The following F10 variants were observed in gnomAD, a reference collection of about 807,000 sequenced individuals.
F10 encodes the protein coagulation factor X, also known as Stuart-Prower factor.
F10 carries 29 observed loss-of-function variants against 37.1 expected under a neutral mutation model. The ratio of observed to expected loss-of-function variants is 0.78; its 90% CI spans 0.58 to 1.07. F10 has a LOEUF of 1.07. Among genes scored for constraint, F10 ranks in the 50% least tolerant of loss-of-function variants. F10 has a pLI of 0.00. For synonymous variants in F10, 262 were observed against 268.6 expected (o/e 0.98, Z 0.24); for missense variants, 539 against 667.9 (o/e 0.81, Z 2.13).
chr13:113,149,151 C>T lies in F10; in HGVS notation c.1101C>T (p.Thr367=), dbSNP rs955792504. The change falls in exon 8 of 8, where the codon ACC becomes ACT. Residue 367 remains threonine, a synonymous_variant. Coordinates refer to ENST00000375559, the MANE Select transcript of F10 (RefSeq NM_000504.4). The surrounding 1 kb of genome is among the most constrained non-coding windows in gnomAD (Gnocchi z 7.5). ...KTGIVSGFGR[T]HEKGRQSTRL... ...GGATTGTGAGCGGCTTCGGGCGCAC[C>T]CACGAGAAGGGCCGGCAGTCCACCA... 3.7e-6 allele frequency: 6 copies of T among 1,612,980 alleles called. No individual in the cohort carries two copies. The highest frequency in any genetic ancestry group is 4.2e-6 in the Non-Finnish European group (5 of 1,180,016).
intron 2 of F10, chr13:113,130,330 C>CCTCTCCCCCGAAGAGGCTACCT (rs1566916226): frequency 1.3e-5 from 2 of 154,116 alleles, no homozygotes; most frequent in African/African-American, 2.4e-5. Flanking sequence ...AGACGCTACC[C>CCTCTCCCCCGAAGAGGCTACCT]TCCTCTCCCC....
Position 113,141,412 on chromosome 13 carries a change from G to GT in F10, c.502+363dup, listed in dbSNP as rs769632107. ...TGCATTGGGACTGTGGGGGGATCCAGTGCAAGGGCTCAAAGCACCAGGGCA... is the reference window on the plus strand; with the variant it reads ...TGCATTGGGACTGTGGGGGGATCCAGTTGCAAGGGCTCAAAGCACCAGGGCA... On this transcript the variant is annotated intron_variant, in intron 5 of 7. Transcript: ENST00000375559. The surrounding 1 kb of genome is among the most constrained non-coding windows in gnomAD (Gnocchi z 5.4). Among the ~76,000 whole-genome samples, 6 of 152,236 alleles carry GT rather than the reference G, an allele frequency of 3.9e-5. No homozygotes were observed. The highest frequency in any genetic ancestry group is 8.8e-5 in the Non-Finnish European group (6 of 68,044).
intron 2 of F10, among the ~76,000 whole-genome samples, chr13:113,133,653 G>A (rs2036453821): frequency 6.6e-6 from 1 of 152,140 alleles, no homozygotes; most frequent in African/African-American, 2.4e-5. Context: ...ACATAGAAGA[G>A]GGAACACTTC....
chr13:113,123,887 C>A (rs2036345124), intron 1 of F10, among the ~76,000 whole-genome samples: 1 of 152,154 alleles, frequency 6.6e-6, no homozygotes, highest in Non-Finnish European at 1.5e-5. Flanking sequence ...AACGGGACTC[C>A]CGTCTTCATG....
At chr13:113,125,037 G>A (rs1298419079) in intron 1 of F10, among the ~76,000 whole-genome samples, 1 of 152,178 alleles carries the variant, frequency 6.6e-6, no homozygotes, top group Non-Finnish European at 1.5e-5. Context: ...TGGATTTAGG[G>A]CTCACTCTAC....
intron 1 of F10, among the ~76,000 whole-genome samples, chr13:113,127,366 T>C (rs1228313201): frequency 6.6e-6 from 1 of 152,150 alleles, no homozygotes; most frequent in African/African-American, 2.4e-5. Context: ...AAGTCAGTGC[T>C]AGAGAGATCA....
intron 6 of F10, among the ~76,000 whole-genome samples, chr13:113,147,049 G>T (rs957529168): frequency 1.3e-5 from 2 of 152,350 alleles, no homozygotes; most frequent in East Asian, 3.9e-4. Flanking sequence ...CCTGGTCCCA[G>T]GTAGAAATCC....
intron 2 of F10, among the ~76,000 whole-genome samples, chr13:113,137,730 G>A (rs1555395556): frequency 6.6e-6 from 1 of 152,128 alleles, no homozygotes; most frequent in African/African-American, 2.4e-5. Flanking sequence ...GGCTGCGGAC[G>A]CGTCGCTCCT....
At chr13:113,128,264 A>T (rs540478596) in intron 1 of F10, 1 of 152,334 alleles carries the variant, frequency 6.6e-6, no homozygotes, top group East Asian at 1.9e-4. Context: ...GCTTGATTTT[A>T]TGTATTTTAG....
chr13:113,140,673 C>T (rs150725847), intron 4 of F10: 6 of 680,532 alleles, frequency 8.8e-6, no homozygotes, highest in Middle Eastern at 2.4e-4. Context: ...CCGGCCATCC[C>T]GGAGGTGTGA....
intron 6 of F10, among the ~76,000 whole-genome samples, chr13:113,145,035 C>A (rs184586376): frequency 3.3e-5 from 5 of 152,152 alleles, no homozygotes; most frequent in Admixed American, 6.5e-5. Flanking sequence ...CCTGCCACCA[C>A]GCCCAGCTAA....
rs1043663264 is a variant in F10, at chr13:113,139,578, G to A, written c.370+108G>A. 2.4e-5 allele frequency: 21 copies of A among 859,418 alleles called. No individual in the cohort carries two copies. The highest frequency in any genetic ancestry group is 2.4e-4 in the South Asian group (17 of 70,626). The allele number at this position is 859,418 out of a possible 1,614,324, so 53.2% of individuals were successfully genotyped here. On this transcript the variant is annotated intron_variant, in intron 4 of 7. Coordinates refer to ENST00000375559, the MANE Select transcript of F10 (RefSeq NM_000504.4). The surrounding 1 kb of genome is among the most constrained non-coding windows in gnomAD (Gnocchi z 5.2). ...AATGAAACAATCTTAAGTCATTTCTGATTTACAAAGTCTGGGCTCTATTAT... is the reference window on the plus strand; with the variant it reads ...AATGAAACAATCTTAAGTCATTTCTAATTTACAAAGTCTGGGCTCTATTAT...
At position 113,141,902 on chromosome 13, in the gene F10, G is replaced by C. The variant is rs80026010; in HGVS notation, c.502+852G>C. ...CAGCTCACCTTCCGGCTTCAGGTGC[G>C]GCTCAGCCCCCAGACCGTGTTCTGC... On this transcript the variant is annotated intron_variant, in intron 5 of 7. Coordinates refer to ENST00000375559, the MANE Select transcript of F10 (RefSeq NM_000504.4). The surrounding 1 kb of genome is among the most constrained non-coding windows in gnomAD (Gnocchi z 5.4). Among the ~76,000 whole-genome samples the C allele has an allele frequency of 3.5e-4, 53 of 152,292 alleles. 1 individual carries two copies. In the East Asian group the frequency reaches 0.01, roughly 29 times the overall value.
chr13:113,149,028 C>T lies in F10; in HGVS notation c.978C>T (p.Leu326=). ...KETYDFDIAV[L]RLKTPITFRM... ...CCTATGACTTCGACATCGCCGTGCTCCGGCTCAAGACCCCCATCACCTTCC... is the reference window on the plus strand; with the variant it reads ...CCTATGACTTCGACATCGCCGTGCTTCGGCTCAAGACCCCCATCACCTTCC... Residue 326 remains leucine (L), a synonymous_variant, in exon 8 of 8, where the codon CTC becomes CTT. Transcript: ENST00000375559. This position sits in a 1 kb window ranked among gnomAD's most constrained non-coding sequence, Gnocchi z 7.5. 2 of 1,613,498 alleles carry T rather than the reference C, an allele frequency of 1.2e-6. No individual in the cohort carries two copies. Among genetic ancestry groups the T allele is most frequent in the Non-Finnish European group, 1.7e-6 (2 of 1,180,030 alleles).
intron 2 of F10, among the ~76,000 whole-genome samples, chr13:113,133,363 G>T (rs1331171748): frequency 4.0e-5 from 6 of 151,682 alleles, no homozygotes; most frequent in Admixed American, 2.6e-4. Context: ...GAAGAGAGGG[G>T]ACATCACTAC....
Position 113,149,400 on chromosome 13 carries a change from G to C in F10, c.1350G>C (p.Gly450=). 1 of 1,613,050 alleles carries C rather than the reference G, an allele frequency of 6.2e-7. No individual in the cohort carries two copies. Among genetic ancestry groups the C allele is most frequent in the Non-Finnish European group, 8.5e-7 (1 of 1,179,780 alleles). Reference sequence around the variant, plus strand: ...GCTGTGCCCGTAAGGGGAAGTACGGGATCTACACCAAGGTCACCGCCTTCC... The same window carrying C: ...GCTGTGCCCGTAAGGGGAAGTACGGCATCTACACCAAGGTCACCGCCTTCC... ...GEGCARKGKY[G]IYTKVTAFLK... is the part of the protein sequence containing the mutation. Residue 450 remains glycine (G), a synonymous_variant, in exon 8 of 8, where the codon GGG becomes GGC. Coordinates refer to ENST00000375559, the MANE Select transcript of F10 (RefSeq NM_000504.4). This position sits in a 1 kb window ranked among gnomAD's most constrained non-coding sequence, Gnocchi z 7.5.
chr13:113,137,511 G>C (rs957049481), intron 2 of F10, among the ~76,000 whole-genome samples: 2 of 152,132 alleles, frequency 1.3e-5, no homozygotes, highest in African/African-American at 4.8e-5. Flanking sequence ...AAGTAAAAAA[G>C]TAAGAAGATA....
In F10 at chr13:113,149,197, C is replaced by T. The variant is rs121964940; in HGVS notation, c.1147C>T (p.Pro383Ser). The T allele has an allele frequency of 1.2e-6, 2 of 1,613,000 alleles. No homozygotes were observed. The highest frequency in any genetic ancestry group is 8.5e-7 in the Non-Finnish European group (1 of 1,180,014). The change falls in exon 8 of 8, where the codon CCC (proline) becomes TCC (serine). Residue 383 changes from proline to serine, a missense_variant. Transcript: ENST00000375559. The surrounding 1 kb of genome is among the most constrained non-coding windows in gnomAD (Gnocchi z 7.5). ...QSTRLKMLEV[P>S]YVDRNSCKLS... Reference sequence around the variant, plus strand: ...CACCAGGCTCAAGATGCTGGAGGTGCCCTACGTGGACCGCAACAGCTGCAA... The same window carrying T: ...CACCAGGCTCAAGATGCTGGAGGTGTCCTACGTGGACCGCAACAGCTGCAA...
chr13:113,141,068 C>T lies in F10; in HGVS notation c.502+18C>T, dbSNP rs372155808. On this transcript the variant is annotated intron_variant, in intron 5 of 7. Coordinates refer to ENST00000375559, the MANE Select transcript of F10 (RefSeq NM_000504.4). The surrounding 1 kb of genome is among the most constrained non-coding windows in gnomAD (Gnocchi z 5.4). Reference sequence around the variant, plus strand: ...TCCCACAGGTAGGAGGCACGTTGGGCCACAGCCACCCGCTGCCGCTGGGCC... The same window carrying T: ...TCCCACAGGTAGGAGGCACGTTGGGTCACAGCCACCCGCTGCCGCTGGGCC... 93 of 1,612,408 alleles carry T rather than the reference C, an allele frequency of 5.8e-5. 1 individual carries two copies. Among genetic ancestry groups the T allele is most frequent in the Middle Eastern group, 3.3e-4 (2 of 6,062 alleles).
Sources: allele counts gnomAD v4.1 joint callset (sites outside exome capture counted in the v4.1 genomes callset), GRCh38; gene constraint gnomAD v4.1.1; non-coding constraint Gnocchi (gnomAD v3.1); transcripts MANE v1.5; gene names NCBI Gene and HGNC (gene_info 2026-07-23, HGNC 2026-07-21).